The following SLC4A7 variants were observed in gnomAD, a reference collection of about 807,000 sequenced individuals.
SLC4A7 encodes the protein solute carrier family 4 member 7.
SLC4A7 carries 51 observed loss-of-function variants against 137.6 expected under a neutral mutation model. That is an observed-to-expected ratio of 0.37 (90% CI 0.30 to 0.47). SLC4A7 has a LOEUF of 0.47. Among genes scored for constraint, SLC4A7 ranks in the 20% least tolerant of loss-of-function variants. SLC4A7 has a pLI of 1.00. For synonymous variants in SLC4A7, 542 were observed against 518.6 expected (o/e 1.05, Z -0.61); for missense variants, 1,247 against 1,525.4 (o/e 0.82, Z 3.04).
In SLC4A7 at chr3:27,423,956, G is replaced by A. The variant is rs768186340; in HGVS notation, c.1266+81C>T. 4.9e-6 allele frequency: 4 copies of A among 823,550 alleles called. No homozygotes were observed. In the African/African-American group the frequency reaches 5.2e-5, roughly 11 times the overall value. 51.0% of individuals were successfully genotyped at this position (823,550 alleles called of 1,614,324 possible). On this transcript the variant is annotated intron_variant, in intron 8 of 25. Transcript: ENST00000454389. ...CTACTAAAAAATTACTATCATCAATGTTAATAATATTAGCCACAAATTACT... is the reference window on the plus strand; with the variant it reads ...CTACTAAAAAATTACTATCATCAATATTAATAATATTAGCCACAAATTACT...
In SLC4A7 at chr3:27,421,746, C is replaced by T; in HGVS notation, c.1300G>A (p.Gly434Ser). 1 of 1,612,962 alleles carries T rather than the reference C, an allele frequency of 6.2e-7. No homozygotes were observed. The highest frequency in any genetic ancestry group is 8.5e-7 in the Non-Finnish European group (1 of 1,179,288). ...ACCAGGACGTTGGATGCCTCAGCAC[C>T]CGTAGGAATTTTTCTCATGAAATTC... The part of the protein sequence containing the change: ...DMNFMRKIPT[G>S]AEASNVLVGE... Residue 434 changes from glycine to serine, a missense_variant, in exon 9 of 26, where the codon GGT (glycine) becomes AGT (serine). By Grantham distance (56) the Gly-to-Ser change is moderately conservative. This residue lies in a region of SLC4A7 where 499 missense variants were observed against 664.2 expected (regional missense o/e 0.75). Coordinates refer to ENST00000454389, the MANE Select transcript of SLC4A7 (RefSeq NM_001321103.2).
Position 27,379,305 on chromosome 3 carries a change from C to T in SLC4A7, c.3642G>A (p.Gln1214=), listed in dbSNP as rs1466333329. 1.3e-6 allele frequency: 2 copies of T among 1,535,778 alleles called. No individual in the cohort carries two copies. The highest frequency in any genetic ancestry group is 1.7e-6 in the Non-Finnish European group (2 of 1,146,558). The change falls in exon 25 of 26, where the codon CAG becomes CAA. Residue 1214 remains glutamine (Q), a synonymous_variant. Transcript: ENST00000454389. The stretch of plus-strand genomic sequence containing the variant: ...CAGTATTCATGGAAAGTGCCTTCCA[C>T]TGTGCAGTTTTGGCCATTTCATCTG... ...NISDEMAKTA[Q]WKALSMNTEN... is the part of the protein sequence containing the mutation.
rs1300381545 is a variant in SLC4A7 at position 27,372,982 on chromosome 3, T to A, written c.*3782A>T. The A allele has an allele frequency of 2.6e-5, 4 of 152,046 alleles. No individual in the cohort carries two copies. The highest frequency in any genetic ancestry group is 9.7e-5 in the African/African-American group (4 of 41,236). 9.4% of individuals were successfully genotyped at this position (152,046 alleles called of 1,614,324 possible). A position where few individuals can be genotyped will look rare whatever the true frequency, so the allele number is the denominator to read the frequency against. On this transcript the variant is annotated 3_prime_UTR_variant, in exon 26 of 26. Transcript: ENST00000454389. ...TGTATTGTGAAATTACATCAAGGTATCAGATTTTATATAAATGAACAATAA... is the reference window on the plus strand; with the variant it reads ...TGTATTGTGAAATTACATCAAGGTAACAGATTTTATATAAATGAACAATAA...
At chr3:27,457,556 C>T (rs2150594391) in intron 1 of SLC4A7, among the ~76,000 whole-genome samples, 1 of 152,278 alleles carries the variant, frequency 6.6e-6, no homozygotes, top group South Asian at 2.1e-4. Flanking sequence ...TCAAACTCAA[C>T]AAGTATATTG....
At chr3:27,430,921 A>G (rs918651352) in intron 7 of SLC4A7, among the ~76,000 whole-genome samples, 13 of 152,326 alleles carry the variant, frequency 8.5e-5, no homozygotes, top group African/African-American at 2.9e-4. Flanking sequence ...AAGTGTTCAA[A>G]TGTCTTGACC....
chr3:27,380,246 G>GT (rs2150008074), intron 24 of SLC4A7, among the ~76,000 whole-genome samples: 1 of 150,092 alleles, frequency 6.7e-6, no homozygotes, highest in Non-Finnish European at 1.5e-5. Flanking sequence ...GGCAGAGGTT[G>GT]TAGTGAGTCG....
chr3:27,392,946 A>C (rs1344054045), intron 20 of SLC4A7, among the ~76,000 whole-genome samples: 1 of 152,222 alleles, frequency 6.6e-6, no homozygotes, highest in Non-Finnish European at 1.5e-5. Flanking sequence ...CATAAGACTG[A>C]AGACCAATAT....
intron 1 of SLC4A7, among the ~76,000 whole-genome samples, chr3:27,476,716 G>C (rs1273504724): frequency 6.6e-6 from 1 of 152,098 alleles, no homozygotes; most frequent in Non-Finnish European, 1.5e-5. Context: ...GTGAAGACTT[G>C]CATGCTTCCC....
At position 27,420,684 on chromosome 3, in the gene SLC4A7, G is replaced by A; in HGVS notation, c.1512+16C>T. Reference sequence around the variant, plus strand: ...ATTAGTGTCTACTTCAAAGAGACTTGGAGTATTCTGATTACCTCATCTGTC... The same window carrying A: ...ATTAGTGTCTACTTCAAAGAGACTTAGAGTATTCTGATTACCTCATCTGTC... On this transcript the variant is annotated intron_variant, in intron 10 of 25. Coordinates refer to ENST00000454389, the MANE Select transcript of SLC4A7 (RefSeq NM_001321103.2). The A allele has an allele frequency of 6.6e-7, 1 of 1,513,436 alleles. No homozygotes were observed. The highest frequency in any genetic ancestry group is 9.2e-7 in the Non-Finnish European group (1 of 1,088,778). 93.8% of individuals were successfully genotyped at this position (1,513,436 alleles called of 1,614,324 possible).
At chr3:27,448,537 T>A (rs2057840421) in intron 3 of SLC4A7, 114 bp downstream of exon 3, 3 of 770,790 alleles carry the variant, frequency 3.9e-6, no homozygotes, top group South Asian at 2.0e-5. Context: ...CCCCATACAA[T>A]GTGACTACAT....
chr3:27,389,651 T>C (rs1405215699), intron 22 of SLC4A7, among the ~76,000 whole-genome samples: 2 of 152,198 alleles, frequency 1.3e-5, no homozygotes, highest in African/African-American at 4.8e-5. Context: ...AAAATGTATT[T>C]GTTCCATGAA....
At chr3:27,454,581 C>A (rs1261261564) in intron 1 of SLC4A7, among the ~76,000 whole-genome samples, 1 of 152,174 alleles carries the variant, frequency 6.6e-6, no homozygotes, top group Non-Finnish European at 1.5e-5. Context: ...AAACCAAACC[C>A]CAAAAGTGCA....
chr3:27,473,312 A>T (rs934473299), intron 1 of SLC4A7, among the ~76,000 whole-genome samples: 1 of 151,212 alleles, frequency 6.6e-6, no homozygotes, highest in African/African-American at 2.4e-5. Flanking sequence ...CTCATCTCTT[A>T]AAAAAAAATG....
intron 18 of SLC4A7, 143 bp downstream of exon 18, chr3:27,397,541 C>A (rs996839133): frequency 1.2e-5 from 7 of 596,818 alleles, no homozygotes; most frequent in Admixed American, 3.4e-5. Flanking sequence ...ATGAAAAACA[C>A]ATATAAATTA....
intron 25 of SLC4A7, among the ~76,000 whole-genome samples, chr3:27,377,048 T>G (rs994317095): frequency 1.3e-5 from 2 of 152,078 alleles, no homozygotes; most frequent in African/African-American, 2.4e-5. Flanking sequence ...TTGCAAATAT[T>G]AAAAATCCTC....
chr3:27,383,051 T>C, intron 24 of SLC4A7, 102 bp downstream of exon 24: 1 of 729,746 alleles, frequency 1.4e-6, no homozygotes, highest in Non-Finnish European at 2.3e-6. Context: ...GATTGTATCA[T>C]CTTTTATAAA....
At chr3:27,421,428 G>A (rs764653020) in intron 9 of SLC4A7, among the ~76,000 whole-genome samples, 194 bp downstream of exon 9, 20 of 152,074 alleles carry the variant, frequency 1.3e-4, no homozygotes, top group Non-Finnish European at 2.5e-4. Flanking sequence ...CCTGGGAGGT[G>A]GAGGTTGCAG....
intron 1 of SLC4A7, among the ~76,000 whole-genome samples, chr3:27,468,191 A>C (rs2059088292): frequency 1.3e-5 from 2 of 152,212 alleles, no homozygotes; most frequent in Admixed American, 1.3e-4. Flanking sequence ...GGCCTCCCAC[A>C]GTGTTGGGAT....
chr3:27,405,603 T>A (rs759767586), intron 13 of SLC4A7, among the ~76,000 whole-genome samples: 2 of 152,214 alleles, frequency 1.3e-5, no homozygotes, highest in African/African-American at 4.8e-5. Context: ...AAAGAACTGC[T>A]ATAAAAAGAT....
Sources: gnomAD v4.1 joint callset for allele counts (sites outside exome capture counted in the v4.1 genomes callset) on GRCh38, gnomAD v4.1.1 for gene constraint, gnomAD v4.1.1 regional missense constraint, MANE v1.5 for transcripts, NCBI Gene and HGNC (gene_info 2026-07-23, HGNC 2026-07-21) for gene names.